Variants in SLC15A4 observed in about 807,000 individuals in gnomAD.
The protein encoded by SLC15A4 is solute carrier family 15 member 4.
SLC15A4 carries 26 observed loss-of-function variants against 46.1 expected under a neutral mutation model. The observed-to-expected ratio is 0.56, with a 90% confidence interval of 0.41 to 0.78. The LOEUF (loss-of-function observed/expected upper bound fraction) is 0.78, where lower values mean the gene tolerates loss of function less well. Ranked by LOEUF, SLC15A4 falls within the 30% of genes least tolerant of loss-of-function variation. The pLI, the probability that SLC15A4 is intolerant of heterozygous loss-of-function variation, is 0.00. For synonymous variants in SLC15A4, 370 were observed against 333.4 expected, an observed-to-expected ratio of 1.11 and a Z score of -1.20; for missense variants, 751 against 755.7, an observed-to-expected ratio of 0.99 and a Z score of 0.07.
intron 1 of SLC15A4, among the ~76,000 whole-genome samples, chr12:128,821,653 C>T (rs1214257169): frequency 6.6e-6 from 1 of 152,006 alleles, no homozygotes; most frequent in South Asian, 2.1e-4. Context: ...TTTGGGAGGC[C>T]GAGGCAGGCA....
intron 5 of SLC15A4, among the ~76,000 whole-genome samples, chr12:128,806,419 G>T (rs993442884): frequency 2.0e-5 from 3 of 152,064 alleles, no homozygotes; most frequent in Non-Finnish European, 4.4e-5. Context: ...TATGGGTGTA[G>T]ATTTATTATG....
chr12:128,796,772 C>T (rs1258056673), intron 7 of SLC15A4, among the ~76,000 whole-genome samples: 7 of 152,208 alleles, frequency 4.6e-5, no homozygotes, highest in African/African-American at 9.6e-5. Context: ...AAAATATAAA[C>T]GACATCATTT....
chr12:128,794,635 A>G (rs1268533457), intron 7 of SLC15A4, among the ~76,000 whole-genome samples: 1 of 152,160 alleles, frequency 6.6e-6, no homozygotes, highest in Non-Finnish European at 1.5e-5. Flanking sequence ...TGTAAGGTAA[A>G]AGGAGGAGGT....
intron 4 of SLC15A4, 64 bp downstream of exon 4, chr12:128,809,332 G>A (rs1955625421): frequency 9.8e-7 from 1 of 1,020,916 alleles, no homozygotes; most frequent in East Asian, 2.4e-5. Context: ...ACAGTTGGTA[G>A]AAGGAATCCA....
chr12:128,809,494 C>T, intron 3 of SLC15A4, 21 bp from the exon 4 acceptor site: 2 of 1,525,468 alleles, frequency 1.3e-6, no homozygotes, highest in Non-Finnish European at 1.8e-6. Context: ...AAAACAGTAT[C>T]ATTATATGTG....
At chr12:128,809,537 C>T in intron 3 of SLC15A4, 64 bp from the exon 4 acceptor site, 1 of 993,646 alleles carries the variant, frequency 1.0e-6, no homozygotes, top group Non-Finnish European at 1.5e-6. Flanking sequence ...TCTAAGCATC[C>T]TGCCCCTCCC....
chr12:128,816,727 G>A (rs1005737023), intron 1 of SLC15A4, among the ~76,000 whole-genome samples: 7 of 152,132 alleles, frequency 4.6e-5, no homozygotes, highest in African/African-American at 9.7e-5. Flanking sequence ...AGCTACCTGC[G>A]AGACTGAGGT....
At chr12:128,807,788 T>C (rs1407056283) in intron 5 of SLC15A4, among the ~76,000 whole-genome samples, 5 of 152,254 alleles carry the variant, frequency 3.3e-5, no homozygotes, top group Non-Finnish European at 1.5e-5. Flanking sequence ...GACCTCACTT[T>C]AATTATCTAT....
At chr12:128,806,182 A>AAAAAAAT (rs58961088) in intron 5 of SLC15A4, among the ~76,000 whole-genome samples, 1 of 150,922 alleles carries the variant, frequency 6.6e-6, no homozygotes. Flanking sequence ...AAAAAAAAAA[A>AAAAAAAT]GAAAAACCTA....
intron 1 of SLC15A4, among the ~76,000 whole-genome samples, chr12:128,818,465 G>A (rs1955788781): frequency 6.6e-6 from 1 of 152,068 alleles, no homozygotes; most frequent in African/African-American, 2.4e-5. Flanking sequence ...ATTAACCCTC[G>A]CCTGGGGCAC....
Position 128,809,418 on chromosome 12 carries a change from T to C in SLC15A4, c.1067A>G (p.Asn356Ser), listed in dbSNP as rs778143300. The change falls in exon 4 of 8, where the codon AAT becomes AGT. Residue 356 changes from asparagine to serine, a missense_variant. Physicochemically the swap from Asn to Ser is conservative, Grantham distance 46. Coordinates refer to ENST00000266771, the MANE Select transcript of SLC15A4 (RefSeq NM_145648.4). ...SLHLRIPEIS[N>S]ITTTPHTLPA... ...TACCGTGTGAGGAGTGGTTGTAATA[T>C]TTGAAATTTCTGGAATCCTCAAATG... The C allele has an allele frequency of 6.0e-5, 96 of 1,608,062 alleles. No homozygotes were observed. The highest frequency in any genetic ancestry group is 7.8e-5 in the Non-Finnish European group (92 of 1,176,432).
intron 3 of SLC15A4, 175 bp from the exon 4 acceptor site, chr12:128,809,648 C>A (rs1955629868): frequency 1.8e-6 from 1 of 566,718 alleles, no homozygotes; most frequent in East Asian, 2.9e-5. Context: ...GTAAAGTCCT[C>A]TGGAGATCAA....
intron 5 of SLC15A4, among the ~76,000 whole-genome samples, chr12:128,802,674 C>G (rs965106265): frequency 4.6e-5 from 7 of 152,246 alleles, no homozygotes; most frequent in Non-Finnish European, 8.8e-5. Context: ...TTGCTACTGG[C>G]ATAGTTCTAC....
chr12:128,813,702 G>A (rs1427526307), intron 2 of SLC15A4: 1 of 152,178 alleles, frequency 6.6e-6, no homozygotes, highest in Non-Finnish European at 1.5e-5. Context: ...TCTGATGGCT[G>A]AGTGATCAGC....
intron 3 of SLC15A4, chr12:128,809,714 C>T: frequency 1.9e-6 from 1 of 539,232 alleles, no homozygotes; most frequent in South Asian, 2.9e-5. Context: ...CAAGAGGGGC[C>T]TGAAAAACCA....
chr12:128,809,911 A>T, intron 3 of SLC15A4, 32 bp downstream of exon 3: 1 of 1,600,482 alleles, frequency 6.2e-7, no homozygotes, highest in Non-Finnish European at 8.5e-7. Flanking sequence ...ATAGGAAGAT[A>T]AAGGAAATTA....
Position 128,823,754 on chromosome 12 carries a change from C to G in SLC15A4, c.190G>C (p.Gly64Arg). The G allele has an allele frequency of 1.9e-6, 3 of 1,539,226 alleles. No homozygotes were observed. In the South Asian group the frequency reaches 3.6e-5, roughly 18 times the overall value. ...ITSNLVLFLN[G>R]APFCWEGAQA... is the part of the protein sequence containing the mutation. ...GCGCCCTCCCAGCAGAACGGCGCCC[C>G]GTTCAGGAATAGCACCAGGTTGGAC... The change falls in exon 1 of 8, where the codon GGG (glycine) becomes CGG (arginine). Residue 64 changes from glycine to arginine, a missense_variant. By Grantham distance (125) the Gly-to-Arg change is moderately radical. Transcript: ENST00000266771.
At chr12:128,821,092 G>C (rs1019715162) in intron 1 of SLC15A4, among the ~76,000 whole-genome samples, 13 of 152,214 alleles carry the variant, frequency 8.5e-5, no homozygotes, top group Non-Finnish European at 1.6e-4. Flanking sequence ...CAGCAGTGCA[G>C]ATGCTGGCGC....
intron 6 of SLC15A4, 25 bp from the exon 7 acceptor site, chr12:128,799,442 T>G (rs1258974181): frequency 2.1e-5 from 34 of 1,612,548 alleles, no homozygotes; most frequent in Non-Finnish European, 2.7e-5. Flanking sequence ...GGGAGGGTCG[T>G]TTTTGTGAAA....
Sources: gnomAD v4.1 joint callset for allele counts (sites outside exome capture counted in the v4.1 genomes callset) on GRCh38, gnomAD v4.1.1 for gene constraint, MANE v1.5 for transcripts, NCBI Gene and HGNC (gene_info 2026-07-23, HGNC 2026-07-21) for gene names.